CEP44: variants seen among roughly 807,000 people sequenced by gnomAD.
CEP44 encodes centrosomal protein 44.
CEP44 carries 45 observed loss-of-function variants against 46.7 expected under a neutral mutation model. The observed-to-expected ratio is 0.96, with a 90% CI of 0.76 to 1.24. The LOEUF (loss-of-function observed/expected upper bound fraction) is 1.24, where lower values mean the gene tolerates loss of function less well. Among genes scored for constraint, CEP44 ranks in the 50% most tolerant of loss-of-function variants. CEP44 has a pLI of 0.00. For synonymous variants in CEP44, 142 were observed against 146.0 expected (o/e 0.97, Z 0.20); for missense variants, 475 against 459.7 (o/e 1.03, Z -0.30).
intron 1 of CEP44, among the ~76,000 whole-genome samples, chr4:174,284,749 C>G (rs1025808154): frequency 3.9e-5 from 6 of 152,212 alleles, no homozygotes; most frequent in Non-Finnish European, 7.3e-5. Flanking sequence ...AGACCTTTCT[C>G]CTATCTCTTA....
chr4:174,284,024 T>C (rs1042903129), intron 1 of CEP44, 81 bp downstream of exon 1: 5 of 399,414 alleles, frequency 1.3e-5, no homozygotes, highest in African/African-American at 1.0e-4. Context: ...CGCCTGGCTG[T>C]AGCGACTGGT....
downstream of CEP44, among the ~76,000 whole-genome samples, chr4:174,321,813 G>A (rs1158571105): frequency 6.6e-6 from 1 of 152,048 alleles, no homozygotes; most frequent in Non-Finnish European, 1.5e-5. Flanking sequence ...AGTAAATGAA[G>A]GAGTAAAAAA....
In CEP44 at chr4:174,325,952, C is replaced by A. The variant is rs764678572; in HGVS notation, c.1087-5530C>A. Among the ~76,000 whole-genome samples, 1 of 151,986 alleles carries A rather than the reference C, an allele frequency of 6.6e-6. No homozygotes were observed. Among genetic ancestry groups the A allele is most frequent in the Non-Finnish European group, 1.5e-5 (1 of 68,000 alleles). ...TCCCATCTTTTTACTTTTAATGTAT[C>A]TGAGTCTGTGCATTTAAAGTGGGTT... On this transcript the variant is annotated intron_variant, in intron 8 of 8. Coordinates refer to the CEP44 transcript ENST00000426172. The surrounding 1 kb of genome is among the most constrained non-coding windows in gnomAD (Gnocchi z 4.4).
rs960921938 is a variant in CEP44 at position 174,298,027 on chromosome 4, T to G, written c.-86T>G. ...CTTCAGTTGGTTTCCTCCTAAATAT[T>G]AGGCAGATGGGATTGGCTGGTCTGT... On this transcript the variant is annotated 5_prime_UTR_variant, in exon 2 of 12. It adds an upstream start codon to the 5' untranslated region. Transcript: ENST00000503780. The G allele has an allele frequency of 6.6e-6, 1 of 152,244 alleles. No individual in the cohort carries two copies. The highest frequency in any genetic ancestry group is 6.5e-5 in the Admixed American group (1 of 15,278). 9.4% of individuals were successfully genotyped at this position (152,244 alleles called of 1,614,324 possible).
rs571898550 is a variant in CEP44, at chr4:174,294,715, C to T, written c.-147-3251C>T. Among the ~76,000 whole-genome samples the T allele has an allele frequency of 2.5e-3, 371 of 145,532 alleles. 1 individual carries two copies. Among genetic ancestry groups the T allele is most frequent in the African/African-American group, 8.7e-3 (342 of 39,180 alleles). ...CTCCCGGAAGGGGTGGCTGGCCGGG[C>T]GGGGGGCTGACCACCCCCCACCTCC... is the stretch of plus-strand genomic sequence containing the variant. On this transcript the variant is annotated intron_variant, in intron 1 of 11. Coordinates refer to ENST00000503780, the MANE Select transcript of CEP44 (RefSeq NM_001040157.3).
At chr4:174,298,277 G>T (rs369178362) in intron 2 of CEP44, among the ~76,000 whole-genome samples, 8 of 140,368 alleles carry the variant, frequency 5.7e-5, no homozygotes, top group African/African-American at 2.1e-4. Flanking sequence ...CCGGGTTCAC[G>T]CCATTCTCCT....
rs921250491 is a variant in CEP44, at chr4:174,309,770, G to T, written c.679-80G>T. Reference sequence around the variant, plus strand: ...GGTCTCTCCTAACTGTTGAGATAACGCTGTGGAAGTGAGAATACATTAATT... The same window carrying T: ...GGTCTCTCCTAACTGTTGAGATAACTCTGTGGAAGTGAGAATACATTAATT... On this transcript the variant is annotated intron_variant, in intron 7 of 11. Transcript: ENST00000503780. The surrounding 1 kb of genome is among the most constrained non-coding windows in gnomAD (Gnocchi z 5.3). 2 of 953,314 alleles carry T rather than the reference G, an allele frequency of 2.1e-6. No homozygotes were observed. 59.1% of individuals were successfully genotyped at this position (953,314 alleles called of 1,614,324 possible).
At chr4:174,308,372 A>G (rs1315832520) in intron 6 of CEP44, among the ~76,000 whole-genome samples, 2 of 152,210 alleles carry the variant, frequency 1.3e-5, no homozygotes, top group Non-Finnish European at 2.9e-5. Context: ...ATATTAATGC[A>G]GAAACAGAAA....
chr4:174,315,471 T>C (rs2126660399), intron 9 of CEP44, among the ~76,000 whole-genome samples: 1 of 152,226 alleles, frequency 6.6e-6, no homozygotes, highest in South Asian at 2.1e-4. Flanking sequence ...ATATGTCAAA[T>C]CAAGTTAGAA....
chr4:174,289,057 T>TA (rs1005073982), intron 1 of CEP44, among the ~76,000 whole-genome samples: 1 of 152,304 alleles, frequency 6.6e-6, no homozygotes, highest in Non-Finnish European at 1.5e-5. Context: ...TGCAGTATAT[T>TA]ACATTGGTTG....
intron 1 of CEP44, among the ~76,000 whole-genome samples, chr4:174,295,309 G>A (rs1432511209): frequency 1.3e-4 from 19 of 151,848 alleles, no homozygotes; most frequent in African/African-American, 4.1e-4. Context: ...CTCCCAGACG[G>A]GGTCGCGGCC....
downstream of CEP44, among the ~76,000 whole-genome samples, chr4:174,324,615 G>A (rs1406460708): frequency 6.6e-6 from 1 of 152,090 alleles, no homozygotes; most frequent in African/African-American, 2.4e-5. Context: ...TCAATGTTAT[G>A]TACTGTCTTG....
chr4:174,327,965 G>A (rs1731069812), intron 8 of CEP44, among the ~76,000 whole-genome samples: 1 of 152,006 alleles, frequency 6.6e-6, no homozygotes, highest in Non-Finnish European at 1.5e-5. Context: ...TATAACTTTG[G>A]GTGGGAAAAT....
chr4:174,321,695 A>G (rs892116665), downstream of CEP44, among the ~76,000 whole-genome samples: 4 of 152,160 alleles, frequency 2.6e-5, no homozygotes, highest in East Asian at 7.7e-4. Flanking sequence ...GAAAGCAATT[A>G]TTAGAGATCC....
chr4:174,328,029 A>G (rs965841227), intron 8 of CEP44, among the ~76,000 whole-genome samples: 3 of 152,226 alleles, frequency 2.0e-5, no homozygotes, highest in African/African-American at 7.2e-5. Flanking sequence ...TAAATTTGAT[A>G]TTAAAATTAA....
chr4:174,320,419 T>G (rs1238219003), downstream of CEP44: 2 of 607,712 alleles, frequency 3.3e-6, no homozygotes, highest in East Asian at 2.2e-4. Flanking sequence ...CTTCTCAATT[T>G]TATAAACTAC....
At position 174,329,935 on chromosome 4, in the gene CEP44, C is replaced by T. The variant is rs994197626; in HGVS notation, c.1087-1547C>T. Reference sequence around the variant, plus strand: ...TAGATAGGAATACTTATTATAGTTTCAACTTTCATACTTCGTATTAAAATG... The same window carrying T: ...TAGATAGGAATACTTATTATAGTTTTAACTTTCATACTTCGTATTAAAATG... On this transcript the variant is annotated intron_variant, in intron 8 of 8. Transcript: ENST00000426172. The surrounding 1 kb of genome is among the most constrained non-coding windows in gnomAD (Gnocchi z 4.0). Among the ~76,000 whole-genome samples the T allele has an allele frequency of 2.6e-5, 4 of 152,166 alleles. No individual in the cohort carries two copies. Among genetic ancestry groups the T allele is most frequent in the Non-Finnish European group, 5.9e-5 (4 of 67,994 alleles).
At position 174,331,802 on chromosome 4, in the gene CEP44, A is replaced by G; in HGVS notation, c.*207A>G. The G allele has an allele frequency of 1.8e-6, 1 of 556,484 alleles. No homozygotes were observed. Among genetic ancestry groups the G allele is most frequent in the Non-Finnish European group, 2.8e-6 (1 of 354,546 alleles). 34.5% of individuals were successfully genotyped at this position (556,484 alleles called of 1,614,324 possible). ...TTTGTCTAATTTCTATTTTCCAGAA[A>G]TTTCTCAAAATGTCTGCTGATAGCC... On this transcript the variant is annotated 3_prime_UTR_variant, in exon 9 of 9. Coordinates refer to the CEP44 transcript ENST00000426172. This position sits in a 1 kb window ranked among gnomAD's most constrained non-coding sequence, Gnocchi z 4.5.
At chr4:174,302,272 G>A in intron 4 of CEP44, 86 bp downstream of exon 4, 1 of 801,076 alleles carries the variant, frequency 1.2e-6, no homozygotes, top group Non-Finnish European at 2.0e-6. Flanking sequence ...TTAAATATAT[G>A]CAGCATATAC....
Sources: allele counts gnomAD v4.1 joint callset (sites outside exome capture counted in the v4.1 genomes callset), GRCh38; gene constraint gnomAD v4.1.1; non-coding constraint Gnocchi (gnomAD v3.1); transcripts MANE v1.5; gene names NCBI Gene and HGNC (gene_info 2026-07-23, HGNC 2026-07-21).